Variants in MARCHF10 observed in about 807,000 individuals in gnomAD.
The protein encoded by MARCHF10 is probable E3 ubiquitin-protein ligase MARCHF10.
Under a neutral mutation model 76.2 loss-of-function variants are expected in MARCHF10, and 64 were observed. The ratio of observed to expected loss-of-function variants is 0.84; its 90% CI spans 0.69 to 1.03. MARCHF10 has a LOEUF of 1.03. Ranked by LOEUF, MARCHF10 falls within the 50% of genes least tolerant of loss-of-function variation. MARCHF10 has a pLI of 0.00. For synonymous variants in MARCHF10, 340 were observed against 357.5 expected, an observed-to-expected ratio of 0.95 and a Z score of 0.55; for missense variants, 875 against 958.0, an observed-to-expected ratio of 0.91 and a Z score of 1.14.
At chr17:62,781,757 G>A (rs186648811) in intron 3 of MARCHF10, among the ~76,000 whole-genome samples, 26 of 152,296 alleles carry the variant, frequency 1.7e-4, no homozygotes, top group Admixed American at 3.9e-4. Context: ...TAAATGCCTC[G>A]TTCGTTCCAG....
intron 8 of MARCHF10, among the ~76,000 whole-genome samples, chr17:62,718,067 C>T (rs1005329916): frequency 6.6e-6 from 1 of 152,190 alleles, no homozygotes; most frequent in Non-Finnish European, 1.5e-5. Flanking sequence ...TGTAATCTGA[C>T]AGTTCTCATG....
At chr17:62,793,377 C>G (rs1304630135) in intron 2 of MARCHF10, among the ~76,000 whole-genome samples, 2 of 146,296 alleles carry the variant, frequency 1.4e-5, no homozygotes, top group African/African-American at 5.2e-5. Context: ...CAACCACCAC[C>G]ACCTCCATTA....
intron 3 of MARCHF10, among the ~76,000 whole-genome samples, chr17:62,783,278 T>C (rs1411994122): frequency 1.4e-5 from 2 of 142,372 alleles, no homozygotes; most frequent in Non-Finnish European, 3.0e-5. Context: ...GAATGACTAC[T>C]GGGTAAATAA....
rs749937858 is a variant in MARCHF10, at chr17:62,711,224, GACTT to G, written c.2328+3_2328+6del. ...ACCGGACAGCTCTGGGTCACAGCCA[GACTT>G]ACCCTCTCTCTTTCCACCTGGTTGT... On this transcript the variant is annotated splice_donor_5th_base_variant and intron_variant, in intron 9 of 10. Transcript: ENST00000311269. The surrounding 1 kb of genome is among the most constrained non-coding windows in gnomAD (Gnocchi z 4.4). The G allele has an allele frequency of 4.3e-6, 7 of 1,613,024 alleles. No individual in the cohort carries two copies. The highest frequency in any genetic ancestry group is 5.9e-6 in the Non-Finnish European group (7 of 1,179,164).
At position 62,731,928 on chromosome 17, in the gene MARCHF10, A is replaced by G. The variant is rs542324727; in HGVS notation, c.1937+4003T>C. On this transcript the variant is annotated intron_variant, in intron 6 of 10. Coordinates refer to ENST00000311269, the MANE Select transcript of MARCHF10 (RefSeq NM_152598.4). ...AGAAATCAAACTACTAATATTTTTTACAGTTGAAATTATTTTGTATTTTGG... is the reference window on the plus strand; with the variant it reads ...AGAAATCAAACTACTAATATTTTTTGCAGTTGAAATTATTTTGTATTTTGG... 5.3e-5 allele frequency among the ~76,000 whole-genome samples: 8 copies of G among 152,360 alleles called. No individual in the cohort carries two copies. In the South Asian group the frequency reaches 1.7e-3, roughly 32 times the overall value.
intron 6 of MARCHF10, among the ~76,000 whole-genome samples, chr17:62,725,857 C>T (rs1327337414): frequency 2.0e-5 from 3 of 152,186 alleles, no homozygotes; most frequent in African/African-American, 7.2e-5. Context: ...ACCCTGTTTC[C>T]TCATCTGTAC....
chr17:62,740,291 C>A (rs965859249), intron 5 of MARCHF10, among the ~76,000 whole-genome samples: 2 of 152,134 alleles, frequency 1.3e-5, no homozygotes, highest in Admixed American at 6.5e-5. Context: ...AGGCCCTGGG[C>A]TCCAGCTGTG....
intron 4 of MARCHF10, among the ~76,000 whole-genome samples, chr17:62,747,468 C>T (rs572396102): frequency 1.4e-4 from 21 of 152,284 alleles, no homozygotes; most frequent in Admixed American, 9.8e-4. Context: ...GTGAAGAAAT[C>T]GCTGCTATTA....
intron 3 of MARCHF10, among the ~76,000 whole-genome samples, chr17:62,770,131 G>T (rs879943039): frequency 9.9e-5 from 15 of 152,132 alleles, no homozygotes; most frequent in Non-Finnish European, 1.8e-4. Flanking sequence ...TTGGGTTTTT[G>T]TTCCTGCGTT....
At chr17:62,702,605 G>A (rs973966255) in intron 10 of MARCHF10, among the ~76,000 whole-genome samples, 2 of 152,146 alleles carry the variant, frequency 1.3e-5, no homozygotes, top group African/African-American at 4.8e-5. Context: ...GGCAGAGGCT[G>A]CAGTGAGCCG....
chr17:62,732,763 C>T (rs1162048477), intron 6 of MARCHF10, among the ~76,000 whole-genome samples: 5 of 151,920 alleles, frequency 3.3e-5, no homozygotes, highest in South Asian at 2.1e-4. Flanking sequence ...GGGGATGAGG[C>T]GGGCTGATTG....
chr17:62,793,314 AC>A (rs2092910005), intron 2 of MARCHF10, among the ~76,000 whole-genome samples: 7 of 129,662 alleles, frequency 5.4e-5, no homozygotes, highest in South Asian at 5.3e-4. Flanking sequence ...CATCACCACC[AC>A]CACCTCCACC....
At chr17:62,784,239 A>G (rs901730714) in intron 3 of MARCHF10, among the ~76,000 whole-genome samples, 1 of 152,250 alleles carries the variant, frequency 6.6e-6, no homozygotes, top group East Asian at 1.9e-4. Flanking sequence ...CAATAAATGT[A>G]ATCCATCACA....
intron 9 of MARCHF10, among the ~76,000 whole-genome samples, chr17:62,710,545 C>T (rs2089864508): frequency 7.1e-6 from 1 of 141,330 alleles, no homozygotes; most frequent in African/African-American, 2.7e-5. Context: ...ACAGTTTGAA[C>T]CCAGCTTTTT....
At chr17:62,767,026 A>T (rs1175299242) in intron 3 of MARCHF10, among the ~76,000 whole-genome samples, 1 of 152,148 alleles carries the variant, frequency 6.6e-6, no homozygotes, top group African/African-American at 2.4e-5. Context: ...GAGGTAGCAC[A>T]TGAGCCGCAG....
chr17:62,753,964 T>TG (rs1192491432), intron 4 of MARCHF10, among the ~76,000 whole-genome samples: 3 of 152,220 alleles, frequency 2.0e-5, no homozygotes, highest in African/African-American at 7.2e-5. Context: ...CCCTGGGACG[T>TG]GGGGGACAGT....
intron 7 of MARCHF10, among the ~76,000 whole-genome samples, chr17:62,723,971 G>A (rs938031414): frequency 1.3e-5 from 2 of 152,132 alleles, no homozygotes; most frequent in African/African-American, 4.8e-5. Context: ...TCCATGGTGT[G>A]CTGTCCTTGG....
At position 62,737,050 on chromosome 17, in the gene MARCHF10, T is replaced by A; in HGVS notation, c.818A>T (p.Asp273Val). 2 of 1,614,120 alleles carry A rather than the reference T, an allele frequency of 1.2e-6. No individual in the cohort carries two copies. The highest frequency in any genetic ancestry group is 1.7e-6 in the Non-Finnish European group (2 of 1,180,028). Residue 273 changes from aspartate to valine, a missense_variant, in exon 6 of 11, where the codon GAT (aspartate) becomes GTT (valine). By Grantham distance (152) the Asp-to-Val change is radical. Coordinates refer to ENST00000311269, the MANE Select transcript of MARCHF10 (RefSeq NM_152598.4). ...GPRKASFRFRDEDFYSILSLN... is the reference protein window; with the variant it reads ...GPRKASFRFRVEDFYSILSLN... ...TGACAAAATGGAATAAAAGTCTTCA[T>A]CTCGGAACCTAAATGATGCCTTTCT...
intron 3 of MARCHF10, among the ~76,000 whole-genome samples, chr17:62,780,338 G>C (rs1055545214): frequency 2.6e-5 from 4 of 152,072 alleles, no homozygotes; most frequent in East Asian, 1.9e-4. Flanking sequence ...GCCATTGCAG[G>C]CTACTTGAAA....
Sources: gnomAD v4.1 joint callset for allele counts (sites outside exome capture counted in the v4.1 genomes callset) on GRCh38, gnomAD v4.1.1 for gene constraint, Gnocchi (gnomAD v3.1) non-coding constraint, MANE v1.5 for transcripts, NCBI Gene and HGNC (gene_info 2026-07-23, HGNC 2026-07-21) for gene names.